PRUNE2: variants seen among roughly 807,000 people sequenced by gnomAD.
PRUNE2 encodes the protein protein prune homolog 2.
A neutral mutation model predicts 252.0 loss-of-function variants in PRUNE2; 164 were observed. The ratio of observed to expected loss-of-function variants is 0.65; its 90% CI spans 0.57 to 0.74. The LOEUF is 0.74. Among genes scored for constraint, PRUNE2 ranks in the 30% least tolerant of loss-of-function variants. The pLI is 0.00. For missense variants in PRUNE2, 3,495 were observed against 3,711.0 expected (o/e 0.94, Z 1.51); for synonymous variants, 1,292 against 1,350.2 (o/e 0.96, Z 0.94).
intron 6 of PRUNE2, among the ~76,000 whole-genome samples, chr9:76,800,140 T>C (rs1052613693): frequency 1.3e-5 from 2 of 152,176 alleles, no homozygotes; most frequent in African/African-American, 4.8e-5. Flanking sequence ...CATGTTGGTG[T>C]GCTGCACCCA....
chr9:76,692,103 G>A (rs563201208), intron 9 of PRUNE2: 13 of 717,456 alleles, frequency 1.8e-5, no homozygotes, highest in African/African-American at 3.5e-5. Context: ...GCTTTCTAAC[G>A]GAGGGTGAGA....
intron 6 of PRUNE2, among the ~76,000 whole-genome samples, chr9:76,749,583 G>T (rs1375390731): frequency 6.6e-6 from 1 of 152,210 alleles, no homozygotes; most frequent in Non-Finnish European, 1.5e-5. Flanking sequence ...GAGAGGTGAG[G>T]TCTTAAGTGT....
intron 6 of PRUNE2, among the ~76,000 whole-genome samples, chr9:76,774,466 T>TA (rs1419033422): frequency 0.015 from 656 of 43,354 alleles, 17 homozygotes; most frequent in African/African-American, 0.038. Context: ...TTTTTTTTTT[T>TA]TTTTTTTTTT....
At chr9:76,776,539 T>C (rs1207100146) in intron 6 of PRUNE2, among the ~76,000 whole-genome samples, 9 of 121,114 alleles carry the variant, frequency 7.4e-5, no homozygotes, top group Non-Finnish European at 1.2e-4. Flanking sequence ...TTTTTTGAGA[T>C]GAGTCTCGCT....
intron 1 of PRUNE2, among the ~76,000 whole-genome samples, chr9:76,868,348 C>T (rs959382042): frequency 1.3e-5 from 2 of 152,218 alleles, no homozygotes; most frequent in East Asian, 1.9e-4. Flanking sequence ...GAATACAGAA[C>T]CTTCTGAAAA....
In PRUNE2 at chr9:76,887,426, T is replaced by C. The variant is rs570748226; in HGVS notation, c.36+18502A>G. ...TCAGTGTCCACCAGATGGTGAATGC[T>C]AGCTCTCACCACGTAGCAGATTGCA... On this transcript the variant is annotated intron_variant, in intron 1 of 18. Transcript: ENST00000376718. 2.5e-4 allele frequency among the ~76,000 whole-genome samples: 38 copies of C among 152,338 alleles called. 1 individual carries two copies. The highest frequency in any genetic ancestry group is 8.4e-4 in the African/African-American group (35 of 41,588).
intron 6 of PRUNE2, among the ~76,000 whole-genome samples, chr9:76,807,772 A>C (rs1253184164): frequency 6.6e-6 from 1 of 152,232 alleles, no homozygotes; most frequent in East Asian, 1.9e-4. Flanking sequence ...GATTCCCTTT[A>C]CAATTAGGGA....
chr9:76,783,403 C>CT (rs2054634938), intron 6 of PRUNE2, among the ~76,000 whole-genome samples: 1 of 152,174 alleles, frequency 6.6e-6, no homozygotes, highest in Non-Finnish European at 1.5e-5. Flanking sequence ...TCCCAAAGTG[C>CT]TGGGATTACA....
At chr9:76,809,895 C>A (rs185368285) in intron 6 of PRUNE2, among the ~76,000 whole-genome samples, 21 of 152,262 alleles carry the variant, frequency 1.4e-4, no homozygotes, top group Non-Finnish European at 2.6e-4. Context: ...TCCTTGTCAA[C>A]CCTGGTGTCC....
intron 9 of PRUNE2, among the ~76,000 whole-genome samples, chr9:76,685,021 G>C (rs1466082627): frequency 6.6e-6 from 1 of 151,920 alleles, no homozygotes; most frequent in Non-Finnish European, 1.5e-5. Flanking sequence ...CAAAGTGCTG[G>C]GATTACAGGC....
intron 6 of PRUNE2, among the ~76,000 whole-genome samples, chr9:76,760,397 G>T (rs1318726273): frequency 1.3e-5 from 2 of 152,100 alleles, no homozygotes; most frequent in Non-Finnish European, 2.9e-5. Flanking sequence ...AGTCACCCTT[G>T]ATATCACTGC....
At chr9:76,681,570 A>G (rs1461920754) in intron 9 of PRUNE2, among the ~76,000 whole-genome samples, 1 of 152,062 alleles carries the variant, frequency 6.6e-6, no homozygotes, top group Non-Finnish European at 1.5e-5. Flanking sequence ...GACACTTAAG[A>G]GCTGTGGGAT....
At chr9:76,647,935 C>A (rs1588122596) in intron 11 of PRUNE2, among the ~76,000 whole-genome samples, 1 of 152,128 alleles carries the variant, frequency 6.6e-6, no homozygotes, top group Non-Finnish European at 1.5e-5. Context: ...GCACTCCAGC[C>A]TGGCGACAGC....
At chr9:76,800,117 T>C (rs1427869270) in intron 6 of PRUNE2, among the ~76,000 whole-genome samples, 1 of 152,118 alleles carries the variant, frequency 6.6e-6, no homozygotes. Context: ...TTGTTACACA[T>C]GTATACATGT....
chr9:76,702,747 A>G (rs533475322), intron 9 of PRUNE2, among the ~76,000 whole-genome samples: 1 of 152,350 alleles, frequency 6.6e-6, no homozygotes, highest in African/African-American at 2.4e-5. Context: ...TTAGGTGCTT[A>G]CATAAAACCA....
Position 76,703,408 on chromosome 9 carries a change from C to T in PRUNE2, c.8205G>A (p.Met2735Ile), listed in dbSNP as rs1231688313. The change falls in exon 9 of 19, where the codon ATG becomes ATA. Residue 2735 changes from methionine (M) to isoleucine (I), a missense_variant. Transcript: ENST00000376718. ...MLSPQPVQKN[M>I]IPDTEMEEET... ...CCTCCTCCATTTCCGTGTCAGGGAT[C>T]ATGTTTTTCTGAACAGGCTGTGGTG... 1 of 1,613,484 alleles carries T rather than the reference C, an allele frequency of 6.2e-7. No individual in the cohort carries two copies. Among genetic ancestry groups the T allele is most frequent in the Admixed American group, 1.7e-5 (1 of 59,964 alleles).
intron 6 of PRUNE2, among the ~76,000 whole-genome samples, chr9:76,777,957 G>A (rs1173436174): frequency 6.6e-6 from 1 of 152,150 alleles, no homozygotes; most frequent in African/African-American, 2.4e-5. Flanking sequence ...GGAAAAGCAA[G>A]GAAGACAGCA....
At chr9:76,801,537 G>C (rs1273413076) in intron 6 of PRUNE2, among the ~76,000 whole-genome samples, 3 of 151,478 alleles carry the variant, frequency 2.0e-5, no homozygotes, top group African/African-American at 4.9e-5. Context: ...AAAACCATTT[G>C]GAATCATTCT....
intron 6 of PRUNE2, among the ~76,000 whole-genome samples, chr9:76,775,285 G>A (rs188062127): frequency 1.3e-5 from 2 of 151,480 alleles, no homozygotes; most frequent in East Asian, 3.9e-4. Context: ...TATTCTCAGA[G>A]GACCATTTTG....
Sources: allele counts gnomAD v4.1 joint callset (sites outside exome capture counted in the v4.1 genomes callset), GRCh38; gene constraint gnomAD v4.1.1; transcripts MANE v1.5; gene names NCBI Gene and HGNC (gene_info 2026-07-23, HGNC 2026-07-21).